ZNG1A: variants seen among roughly 807,000 people sequenced by gnomAD.
The protein encoded by ZNG1A is Zn regulated GTPase metalloprotein activator 1A, also known as zinc-regulated GTPase metalloprotein activator 1A.
At chr9:159,661 C>T in the ZNG1A span, among the ~76,000 whole-genome samples, 2 of 150,212 alleles carry the variant, frequency 1.3e-5, no homozygotes, top group African/African-American at 4.9e-5. Context: ...TCCTTTTCTG[C>T]AGAAATAAAG....
the ZNG1A span, chr9:177,736 G>A: frequency 2.6e-6 from 4 of 1,533,814 alleles, no homozygotes; most frequent in Non-Finnish European, 3.5e-6. Flanking sequence ...TGAGCAATAC[G>A]GGAAAGGCCC....
the ZNG1A span, chr9:161,662 G>A: frequency 9.6e-6 from 12 of 1,254,056 alleles, no homozygotes; most frequent in Middle Eastern, 3.3e-4. Flanking sequence ...CACTTGGGAA[G>A]TTGAGAAACA....
chr9:167,292 C>CA, the ZNG1A span: 2 of 151,062 alleles, frequency 1.3e-5, no homozygotes, highest in East Asian at 3.9e-4. Flanking sequence ...CATTGAAACT[C>CA]AGAGACTATA....
chr9:139,861 G>GGTCA, the ZNG1A span, among the ~76,000 whole-genome samples: 1 of 151,418 alleles, frequency 6.6e-6, no homozygotes. Context: ...AAGCGCAGGG[G>GGTCA]GTCAGGGAGT....
the ZNG1A span, among the ~76,000 whole-genome samples, chr9:155,348 A>T: frequency 6.6e-6 from 1 of 151,282 alleles, no homozygotes; most frequent in Admixed American, 6.6e-5. Context: ...GCTACTTAGG[A>T]GGCTGAGGAG....
chr9:163,521 T>C, the ZNG1A span, among the ~76,000 whole-genome samples: 137 of 152,080 alleles, frequency 9.0e-4, no homozygotes, highest in African/African-American at 3.1e-3. Context: ...TGAACAAAGA[T>C]TTCATCATTA....
the ZNG1A span, among the ~76,000 whole-genome samples, chr9:173,773 T>C: frequency 6.6e-6 from 1 of 152,178 alleles, no homozygotes; most frequent in African/African-American, 2.4e-5. Context: ...TCTATCTTTT[T>C]CTTTTCATTC....
the ZNG1A span, among the ~76,000 whole-genome samples, chr9:158,013 C>G: frequency 8.1e-5 from 12 of 148,754 alleles, no homozygotes; most frequent in Non-Finnish European, 1.0e-4. Flanking sequence ...AATTCAACTG[C>G]AGACCCACTC....
the ZNG1A span, among the ~76,000 whole-genome samples, chr9:143,123 G>T: frequency 6.9e-6 from 1 of 145,572 alleles, no homozygotes; most frequent in Admixed American, 6.9e-5. Context: ...GTACAAGGAG[G>T]AACTGGTACC....
At chr9:164,924 T>C in the ZNG1A span, among the ~76,000 whole-genome samples, 80 of 152,150 alleles carry the variant, frequency 5.3e-4, no homozygotes, top group African/African-American at 1.8e-3. Flanking sequence ...TTACAGTGAT[T>C]ACTCATGCAA....
chr9:176,841 GAA>G, the ZNG1A span, among the ~76,000 whole-genome samples: 1 of 143,062 alleles, frequency 7.0e-6, no homozygotes, highest in African/African-American at 2.5e-5. Flanking sequence ...ACCATATTAT[GAA>G]AAAAAAAAAC....
chr9:145,781 C>A, the ZNG1A span, among the ~76,000 whole-genome samples: 2 of 151,334 alleles, frequency 1.3e-5, no homozygotes, highest in African/African-American at 4.9e-5. Flanking sequence ...TGTGTGAAAA[C>A]GCTAAGCTAA....
At chr9:121,120 CATT>C in the ZNG1A span, 3 of 243,770 alleles carry the variant, frequency 1.2e-5, no homozygotes, top group Admixed American at 5.1e-5. Flanking sequence ...ACAATGTAAT[CATT>C]ATATCTCTGC....
chr9:172,611 CA>C, the ZNG1A span: 2 of 156,438 alleles, frequency 1.3e-5, no homozygotes, highest in Non-Finnish European at 2.8e-5. Flanking sequence ...CTTATTTTAT[CA>C]AAAGTGAAGG....
At chr9:159,374 T>A in the ZNG1A span, among the ~76,000 whole-genome samples, 2 of 150,552 alleles carry the variant, frequency 1.3e-5, no homozygotes, top group African/African-American at 4.9e-5. Flanking sequence ...TACAGCATGA[T>A]GACTGTAGTT....
the ZNG1A span, among the ~76,000 whole-genome samples, chr9:140,828 A>G: frequency 2.6e-4 from 39 of 149,328 alleles, no homozygotes; most frequent in African/African-American, 9.3e-4. Flanking sequence ...AGAATAACCA[A>G]TACAGAGAAG....
the ZNG1A span, among the ~76,000 whole-genome samples, chr9:144,560 G>T: frequency 6.6e-6 from 1 of 152,032 alleles, no homozygotes; most frequent in African/African-American, 2.4e-5. Context: ...ATGGATTAAA[G>T]ACTTAAACGT....
At chr9:156,355 G>C in the ZNG1A span, 4 of 1,340,510 alleles carry the variant, frequency 3.0e-6, no homozygotes, top group Admixed American at 5.0e-5. Flanking sequence ...TCAACTAAGG[G>C]AAAAAAAGAA....
chr9:165,580 A>C, the ZNG1A span, among the ~76,000 whole-genome samples: 1 of 131,760 alleles, frequency 7.6e-6, no homozygotes, highest in East Asian at 2.1e-4. Flanking sequence ...GCAATGTCTG[A>C]AGATGTTTTT....
Sources: gnomAD v4.1 joint callset for allele counts (sites outside exome capture counted in the v4.1 genomes callset) on GRCh38, gnomAD v4.1.1 for gene constraint, MANE v1.5 for transcripts, NCBI Gene and HGNC (gene_info 2026-07-23, HGNC 2026-07-21) for gene names.